Variants in CCDC30 observed in about 807,000 individuals in gnomAD.
CCDC30 encodes the protein coiled-coil domain-containing protein 30.
CCDC30 carries 70 observed loss-of-function variants against 100.2 expected under a neutral mutation model. The observed-to-expected ratio is 0.70, with a 90% CI of 0.58 to 0.85. The LOEUF is 0.85. Among genes scored for constraint, CCDC30 ranks in the 40% least tolerant of loss-of-function variants. The pLI is 0.00. For synonymous variants in CCDC30, 233 were observed against 269.5 expected, an observed-to-expected ratio of 0.86 and a Z score of 1.33; for missense variants, 652 against 771.2, an observed-to-expected ratio of 0.85 and a Z score of 1.83.
At chr1:42,623,658 A>G (rs899675005) in intron 11 of CCDC30, among the ~76,000 whole-genome samples, 1 of 152,148 alleles carries the variant, frequency 6.6e-6, no homozygotes. Context: ...ATTTGAAGGC[A>G]CGTAATGTGA....
At position 42,464,499 on chromosome 1, in the gene CCDC30, T is replaced by C. The variant is rs112421980; in HGVS notation, c.-92+601T>C. ...ATAGTACTTGTGCCTTCTTTTCCTG[T>C]CAATTTCTGAATCAGAAAACATTCT... On this transcript the variant is annotated intron_variant, in intron 1 of 16. Transcript: ENST00000668663. Among the ~76,000 whole-genome samples the C allele has an allele frequency of 6.1e-3, 924 of 152,348 alleles. 6 individuals carry two copies. Among genetic ancestry groups the C allele is most frequent in the African/African-American group, 0.021 (862 of 41,578 alleles).
chr1:42,597,210 A>G (rs947246730), intron 10 of CCDC30, among the ~76,000 whole-genome samples: 1 of 152,206 alleles, frequency 6.6e-6, no homozygotes, highest in African/African-American at 2.4e-5. Context: ...GGAAATAACC[A>G]AAGGAGAAGA....
Position 42,652,903 on chromosome 1 carries a change from C to G in CCDC30, c.1855-473C>G, listed in dbSNP as rs191435385. Among the ~76,000 whole-genome samples, 7 of 152,080 alleles carry G rather than the reference C, an allele frequency of 4.6e-5. No individual in the cohort carries two copies. In the East Asian group the frequency reaches 1.4e-3, roughly 29 times the overall value. On this transcript the variant is annotated intron_variant, in intron 15 of 16. Coordinates refer to ENST00000668663, the Ensembl canonical transcript of CCDC30. ...AGGAATAAATGGGGAGTAGACTGCT[C>G]CTGGGTATGGGCTTTTTTGGGGGGT...
chr1:42,647,372 A>T (rs1647973290), intron 15 of CCDC30, among the ~76,000 whole-genome samples: 1 of 152,216 alleles, frequency 6.6e-6, no homozygotes, highest in Non-Finnish European at 1.5e-5. Context: ...AAAAGGGCCA[A>T]TTCAGCGAGA....
Position 42,578,879 on chromosome 1 carries a change from T to C in CCDC30, c.846+1650T>C, listed in dbSNP as rs576085187. ...ATGTATATGGTAGTATTACTGGTAATCTGAGTTCTTTCCCCCACTTTGTAT... is the reference window on the plus strand; with the variant it reads ...ATGTATATGGTAGTATTACTGGTAACCTGAGTTCTTTCCCCCACTTTGTAT... On this transcript the variant is annotated intron_variant, in intron 8 of 16. Transcript: ENST00000668663. Among the ~76,000 whole-genome samples, 3 of 152,304 alleles carry C rather than the reference T, an allele frequency of 2.0e-5. No homozygotes were observed. The South Asian group carries it at 6.2e-4, about 32-fold the overall frequency.
intron 11 of CCDC30, among the ~76,000 whole-genome samples, chr1:42,617,484 G>A (rs1302051409): frequency 1.3e-5 from 2 of 152,148 alleles, no homozygotes; most frequent in Non-Finnish European, 1.5e-5. Context: ...CAGGGGAATT[G>A]CAAGACAGAA....
intron 6 of CCDC30, among the ~76,000 whole-genome samples, chr1:42,516,635 G>A (rs192124245): frequency 2.7e-5 from 4 of 148,028 alleles, no homozygotes; most frequent in Admixed American, 6.8e-5. Context: ...CTTTTTCCAC[G>A]TGCTCTTCTT....
intron 9 of CCDC30, among the ~76,000 whole-genome samples, chr1:42,588,937 A>G (rs537911348): frequency 6.6e-6 from 1 of 152,180 alleles, no homozygotes; most frequent in Admixed American, 6.5e-5. Flanking sequence ...ATTATTATCA[A>G]TAGTGCTTGT....
In CCDC30 at chr1:42,632,562, G is replaced by A. The variant is rs558414659; in HGVS notation, c.1278-4675G>A. Reference sequence around the variant, plus strand: ...GCGGATCACCTGAGGTCAGGAGTTCGAGACCAACCTCAACATGGAGAAACC... The same window carrying A: ...GCGGATCACCTGAGGTCAGGAGTTCAAGACCAACCTCAACATGGAGAAACC... On this transcript the variant is annotated intron_variant, in intron 11 of 16. Coordinates refer to ENST00000668663, the Ensembl canonical transcript of CCDC30. Among the ~76,000 whole-genome samples, 3 of 151,806 alleles carry A rather than the reference G, an allele frequency of 2.0e-5. No homozygotes were observed. The South Asian group carries it at 6.2e-4, about 32-fold the overall frequency.
chr1:42,516,930 A>G lies in CCDC30; in HGVS notation c.456+18014A>G, dbSNP rs1416288878. ...GTTTATCTTCTTTGGAGAAATATCT[A>G]TTAAATTATTTCCTCATTATTGAAT... is the stretch of plus-strand genomic sequence containing the variant. On this transcript the variant is annotated intron_variant, in intron 6 of 16. Transcript: ENST00000668663. Among the ~76,000 whole-genome samples, 10 of 152,176 alleles carry G rather than the reference A, an allele frequency of 6.6e-5. 1 individual carries two copies. Among genetic ancestry groups the G allele is most frequent in the South Asian group, 4.1e-4 (2 of 4,830 alleles).
chr1:42,639,283 A>T (rs1450103414), intron 12 of CCDC30, among the ~76,000 whole-genome samples: 10 of 152,226 alleles, frequency 6.6e-5, no homozygotes, highest in Admixed American at 6.5e-4. Context: ...ATGATGATGA[A>T]TTCAGAGACT....
At chr1:42,626,984 G>C (rs746551501) in intron 11 of CCDC30, among the ~76,000 whole-genome samples, 2 of 152,172 alleles carry the variant, frequency 1.3e-5, no homozygotes, top group Non-Finnish European at 2.9e-5. Flanking sequence ...ATTTGGAAGC[G>C]ACTTTGGAAG....
chr1:42,611,985 G>A (rs1020843318), intron 11 of CCDC30, among the ~76,000 whole-genome samples: 1 of 152,008 alleles, frequency 6.6e-6, no homozygotes, highest in African/African-American at 2.4e-5. Context: ...ATTATTTATG[G>A]CACACCTCTC....
intron 4 of CCDC30, among the ~76,000 whole-genome samples, chr1:42,492,671 G>A (rs189691127): frequency 2.6e-4 from 39 of 151,298 alleles, no homozygotes; most frequent in African/African-American, 7.5e-4. Context: ...TTTTTGAGAC[G>A]GATTCTCACG....
the CCDC30 span, chr1:42,457,211 C>T: frequency 6.2e-7 from 1 of 1,612,778 alleles, no homozygotes; most frequent in Non-Finnish European, 8.5e-7. Context: ...TATCGTACCT[C>T]GCCGATTTGT....
At chr1:42,645,137 G>A (rs926628327) in intron 14 of CCDC30, among the ~76,000 whole-genome samples, 1 of 152,098 alleles carries the variant, frequency 6.6e-6, no homozygotes, top group Non-Finnish European at 1.5e-5. Flanking sequence ...GGAGGGCAAG[G>A]AGTGTATCTC....
At chr1:42,522,237 G>A (rs986067242) in intron 6 of CCDC30, among the ~76,000 whole-genome samples, 11 of 151,888 alleles carry the variant, frequency 7.2e-5, no homozygotes, top group African/African-American at 2.7e-4. Flanking sequence ...GGTTGAAATG[G>A]CAGATATGGA....
At chr1:42,467,282 A>G (rs1356733622) in intron 1 of CCDC30, among the ~76,000 whole-genome samples, 1 of 152,248 alleles carries the variant, frequency 6.6e-6, no homozygotes, top group Non-Finnish European at 1.5e-5. Context: ...TTTGCTGAGA[A>G]TGGATTGGAT....
At chr1:42,472,691 T>C (rs570182512) in intron 1 of CCDC30, among the ~76,000 whole-genome samples, 3 of 152,240 alleles carry the variant, frequency 2.0e-5, no homozygotes, top group African/African-American at 4.8e-5. Context: ...GTATATCATG[T>C]CATTTGTTAT....
Sources: gnomAD v4.1 joint callset for allele counts (sites outside exome capture counted in the v4.1 genomes callset) on GRCh38, gnomAD v4.1.1 for gene constraint, MANE v1.5 for transcripts, NCBI Gene and HGNC (gene_info 2026-07-23, HGNC 2026-07-21) for gene names.